Variants in MYH7B observed in about 807,000 individuals in gnomAD.
MYH7B encodes the protein myosin-7B.
A neutral mutation model predicts 234.5 loss-of-function variants in MYH7B; 205 were observed. The ratio of observed to expected loss-of-function variants is 0.87; its 90% CI spans 0.78 to 0.98. The LOEUF (loss-of-function observed/expected upper bound fraction) is 0.98, where lower values mean the gene tolerates loss of function less well. Among genes scored for constraint, MYH7B ranks in the 50% least tolerant of loss-of-function variants. The pLI, the probability that MYH7B is intolerant of heterozygous loss-of-function variation, is 0.00. For missense variants in MYH7B, 2,652 were observed against 2,633.4 expected, an observed-to-expected ratio of 1.01 and a Z score of -0.15; for synonymous variants, 1,193 against 1,105.0, an observed-to-expected ratio of 1.08 and a Z score of -1.58.
chr20:34,967,675 A>G (rs2081755591), intron 2 of MYH7B, among the ~76,000 whole-genome samples: 1 of 152,154 alleles, frequency 6.6e-6, no homozygotes, highest in South Asian at 2.1e-4. Flanking sequence ...ACTGTGCTTA[A>G]CCGTCTGTGC....
At chr20:34,985,528 C>T (rs111827621) in intron 13 of MYH7B, among the ~76,000 whole-genome samples, 4 of 152,074 alleles carry the variant, frequency 2.6e-5, no homozygotes, top group African/African-American at 9.7e-5. Context: ...CCCAGCTGCA[C>T]AGCTACACGT....
intron 43 of MYH7B, 135 bp from the exon 44 acceptor site, chr20:35,001,813 T>C (rs2082392410): frequency 2.2e-6 from 3 of 1,350,520 alleles, no homozygotes; most frequent in Non-Finnish European, 1.0e-6. Flanking sequence ...GCTGTGGTAT[T>C]GGTGAGGATG....
At chr20:34,967,026 C>T (rs1569027265) in intron 2 of MYH7B, among the ~76,000 whole-genome samples, 1 of 151,358 alleles carries the variant, frequency 6.6e-6, no homozygotes, top group South Asian at 2.1e-4. Flanking sequence ...GTCAGGAGTT[C>T]GAGACCAGCC....
rs761414074 is a variant in MYH7B at position 35,001,362 on chromosome 20, G to T, written c.5580+13G>T. 1.2e-6 allele frequency: 2 copies of T among 1,602,388 alleles called. No homozygotes were observed. The highest frequency in any genetic ancestry group is 1.7e-6 in the Non-Finnish European group (2 of 1,174,954). On this transcript the variant is annotated intron_variant, in intron 42 of 44. Coordinates refer to ENST00000262873, the Ensembl canonical transcript of MYH7B. Reference sequence around the variant, plus strand: ...GCTCGCATACCAGGTGGGCGACAGGGTCTCCCTGGGGAGTGGCCCTGGAGC... The same window carrying T: ...GCTCGCATACCAGGTGGGCGACAGGTTCTCCCTGGGGAGTGGCCCTGGAGC...
rs1414529382 is a variant in MYH7B, at chr20:34,980,568, C to G, written c.343-10C>G. ...CAACAACATAAACCCTACCTATACT[C>G]TCTCTTCAGACCTACTCAGGCCTCT... On this transcript the variant is annotated splice_polypyrimidine_tract_variant and intron_variant, in intron 7 of 44. Transcript: ENST00000262873. The G allele has an allele frequency of 6.2e-7, 1 of 1,609,852 alleles. No individual in the cohort carries two copies.
Position 34,988,447 on chromosome 20 carries a change from CGTGT to C in MYH7B, c.1587+189_1587+192del, listed in dbSNP as rs199645076. Among the ~76,000 whole-genome samples, 389 of 152,162 alleles carry C rather than the reference CGTGT, an allele frequency of 2.6e-3. 3 individuals are homozygous for C. The highest frequency in any genetic ancestry group is 0.021 in the East Asian group (110 of 5,168). ...TTATGTGCTTGTGTGTGAAAGGGCA[CGTGT>C]GTGAGTGGGTGTGTTGGAGTTGACC... On this transcript the variant is annotated intron_variant, in intron 19 of 44. Transcript: ENST00000262873.
chr20:34,986,049 T>C, intron 13 of MYH7B, 51 bp from the exon 14 acceptor site: 1 of 1,475,316 alleles, frequency 6.8e-7, no homozygotes, highest in Non-Finnish European at 9.3e-7. Flanking sequence ...CCTTGGGATG[T>C]CCACTCTGGG....
chr20:34,999,358 C>CCCTGG lies in MYH7B; in HGVS notation c.4493_4494insCCTGG (p.Glu1500AspfsTer26), dbSNP rs1380764924. ...CGGCTGCGGCACGGCCACGAGGAGG[C>CCCTGG]ACTTGAAGCCCTGGAGACGCTCAAG... On this transcript the variant is annotated frameshift_variant, in exon 36 of 45. Coordinates refer to ENST00000262873, the Ensembl canonical transcript of MYH7B. LOFTEE classifies it high-confidence loss of function. The CCCTGG allele has an allele frequency of 1.9e-6, 3 of 1,544,186 alleles. No homozygotes were observed. Among genetic ancestry groups the CCCTGG allele is most frequent in the Non-Finnish European group, 2.6e-6 (3 of 1,144,130 alleles).
At chr20:34,982,743 C>T (rs957839895) in intron 10 of MYH7B, among the ~76,000 whole-genome samples, 188 bp downstream of exon 10, 1 of 152,144 alleles carries the variant, frequency 6.6e-6, no homozygotes, top group Admixed American at 6.5e-5. Flanking sequence ...GCTGTGGCCA[C>T]CTGACGCGCC....
At chr20:34,990,857 G>C in intron 23 of MYH7B, 32 bp downstream of exon 23, 2 of 1,610,910 alleles carry the variant, frequency 1.2e-6, no homozygotes, top group South Asian at 1.1e-5. Context: ...GGCTGGGGCC[G>C]GGAGGCATCA....
exon 32 of MYH7B, chr20:34,997,555 G>T: frequency 6.2e-7 from 1 of 1,612,298 alleles, no homozygotes; most frequent in South Asian, 1.1e-5. Flanking sequence ...CAGCGGGTGC[G>T]GCAGAAGCTG....
intron 2 of MYH7B, among the ~76,000 whole-genome samples, chr20:34,968,408 G>C (rs1041272857): frequency 4.6e-5 from 7 of 152,200 alleles, no homozygotes; most frequent in African/African-American, 7.2e-5. Context: ...GTGGAATAAG[G>C]TTATGCCTGT....
At chr20:34,956,733 G>C (rs1030658533) in intron 1 of MYH7B, among the ~76,000 whole-genome samples, 1 of 152,166 alleles carries the variant, frequency 6.6e-6, no homozygotes, top group Non-Finnish European at 1.5e-5. Flanking sequence ...CTGGGATGGG[G>C]ACAGTGTTCC....
chr20:34,998,872 G>A (rs370972260), exon 35 of MYH7B: 78 of 1,613,234 alleles, frequency 4.8e-5, no homozygotes, highest in Non-Finnish European at 6.4e-5. Flanking sequence ...GAGCAAGTAC[G>A]AAGCAGATGC....
Position 35,001,358 on chromosome 20 carries a change from CAG to C in MYH7B, c.5580+10_5580+11del. On this transcript the variant is annotated intron_variant, in intron 42 of 44. Transcript: ENST00000262873. ...AGGAGCTCGCATACCAGGTGGGCGA[CAG>C]GGTCTCCCTGGGGAGTGGCCCTGGA... The C allele has an allele frequency of 1.9e-6, 3 of 1,603,804 alleles. No individual in the cohort carries two copies. Among genetic ancestry groups the C allele is most frequent in the Non-Finnish European group, 1.7e-6 (2 of 1,175,610 alleles).
exon 36 of MYH7B, chr20:34,999,315 C>G (rs747769021): frequency 1.3e-6 from 2 of 1,578,244 alleles, no homozygotes; most frequent in Non-Finnish European, 1.7e-6. Flanking sequence ...GTCCCGTGGC[C>G]TGGGCACCGA....
intron 19 of MYH7B, among the ~76,000 whole-genome samples, chr20:34,989,102 G>T (rs1011295097): frequency 2.6e-5 from 4 of 152,190 alleles, no homozygotes; most frequent in African/African-American, 9.7e-5. Flanking sequence ...GGGCCACTGC[G>T]CCTGGCCTAT....
At chr20:34,997,038 G>C in intron 30 of MYH7B, 45 bp from the exon 31 acceptor site, 1 of 1,490,954 alleles carries the variant, frequency 6.7e-7, no homozygotes, top group East Asian at 2.6e-5. Flanking sequence ...AGGCGGGTGG[G>C]TGGGAGTTAA....
At chr20:34,961,300 T>G (rs897795408) in intron 2 of MYH7B, among the ~76,000 whole-genome samples, 1 of 152,238 alleles carries the variant, frequency 6.6e-6, no homozygotes, top group African/African-American at 2.4e-5. Flanking sequence ...TTTTACATTT[T>G]ATTTATTATG....
Sources: allele counts gnomAD v4.1 joint callset (sites outside exome capture counted in the v4.1 genomes callset), GRCh38; gene constraint gnomAD v4.1.1; transcripts MANE v1.5; gene names NCBI Gene and HGNC (gene_info 2026-07-23, HGNC 2026-07-21).